The following MAML3 variants were observed in gnomAD, a reference collection of about 807,000 sequenced individuals.
The protein encoded by MAML3 is mastermind-like protein 3.
A neutral mutation model predicts 101.9 loss-of-function variants in MAML3; 27 were observed. That is an observed-to-expected ratio of 0.27 (90% CI 0.20 to 0.37). The LOEUF (loss-of-function observed/expected upper bound fraction) is 0.37, where lower values mean the gene tolerates loss of function less well. Among genes scored for constraint, MAML3 ranks in the 10% least tolerant of loss-of-function variants. The pLI, the probability that MAML3 is intolerant of heterozygous loss-of-function variation, is 1.00. For synonymous variants in MAML3, 501 were observed against 555.9 expected (o/e 0.90, Z 1.39); for missense variants, 1,316 against 1,444.9 (o/e 0.91, Z 1.45).
At chr4:139,974,098 T>C (rs1385629296) in intron 1 of MAML3, among the ~76,000 whole-genome samples, 1 of 123,886 alleles carries the variant, frequency 8.1e-6, no homozygotes, top group African/African-American at 3.1e-5. Context: ...TATTCTTACA[T>C]TTAATAGTTT....
At chr4:140,058,197 T>C (rs1727385567) in intron 1 of MAML3, among the ~76,000 whole-genome samples, 1 of 152,168 alleles carries the variant, frequency 6.6e-6, no homozygotes, top group African/African-American at 2.4e-5. Flanking sequence ...GCATGACTCT[T>C]TCAAAAAGTA....
At chr4:140,097,286 T>TTGA (rs891036955) in intron 1 of MAML3, among the ~76,000 whole-genome samples, 8 of 152,206 alleles carry the variant, frequency 5.3e-5, no homozygotes, top group Admixed American at 2.0e-4. Context: ...TCTTTTGGTC[T>TTGA]TGATAACCCA....
In MAML3 at chr4:139,981,525, G is replaced by C. The variant is rs1319837311; in HGVS notation, c.469-90558C>G. 3.3e-5 allele frequency among the ~76,000 whole-genome samples: 5 copies of C among 152,198 alleles called. No homozygotes were observed. The South Asian group carries it at 8.3e-4, about 25-fold the overall frequency. On this transcript the variant is annotated intron_variant, in intron 1 of 4. Coordinates refer to ENST00000509479, the MANE Select transcript of MAML3 (RefSeq NM_018717.5). ...TTCCTATTATTAACGTCTTATATTA[G>C]CATGGTACATTTGTCACAACTAATG...
At chr4:140,120,505 G>A (rs1728590339) in intron 1 of MAML3, among the ~76,000 whole-genome samples, 2 of 152,172 alleles carry the variant, frequency 1.3e-5, no homozygotes, top group African/African-American at 4.8e-5. Flanking sequence ...TGTGCCTGAT[G>A]TAGATTAATA....
intron 1 of MAML3, among the ~76,000 whole-genome samples, chr4:139,916,934 T>C (rs565820802): frequency 2.0e-3 from 301 of 152,254 alleles, no homozygotes; most frequent in African/African-American, 6.9e-3. Flanking sequence ...AATATAGAGA[T>C]AATGCAGATA....
In MAML3 at chr4:139,951,322, G is replaced by C. The variant is rs1178647384; in HGVS notation, c.469-60355C>G. On this transcript the variant is annotated intron_variant, in intron 1 of 4. Coordinates refer to ENST00000509479, the MANE Select transcript of MAML3 (RefSeq NM_018717.5). Reference sequence around the variant, plus strand: ...CAGCAATTTTGAATGTGCTGACATGGAGAACAGTGACCACAGAGTCAATGC... The same window carrying C: ...CAGCAATTTTGAATGTGCTGACATGCAGAACAGTGACCACAGAGTCAATGC... Among the ~76,000 whole-genome samples, 3 of 152,226 alleles carry C rather than the reference G, an allele frequency of 2.0e-5. No homozygotes were observed. In the East Asian group the frequency reaches 5.8e-4, roughly 29 times the overall value.
intron 2 of MAML3, among the ~76,000 whole-genome samples, chr4:139,838,406 C>A (rs1043218109): frequency 1.3e-5 from 2 of 152,122 alleles, no homozygotes; most frequent in South Asian, 2.1e-4. Flanking sequence ...TGTCTCATAT[C>A]ATTTGGAGTC....
At chr4:139,767,053 A>G (rs73854351) in intron 2 of MAML3, among the ~76,000 whole-genome samples, 19,756 of 152,264 alleles carry the variant, frequency 0.13, 1,669 homozygotes, top group African/African-American at 0.24. Context: ...TATTATGTCA[A>G]TGTGATTACT....
chr4:139,835,742 T>G (rs946810686), intron 2 of MAML3, among the ~76,000 whole-genome samples: 1 of 152,216 alleles, frequency 6.6e-6, no homozygotes, highest in Non-Finnish European at 1.5e-5. Flanking sequence ...TCCTGCTGCA[T>G]GTCCCCCAAA....
chr4:139,754,649 AG>A (rs921707676), intron 2 of MAML3, among the ~76,000 whole-genome samples: 3 of 152,338 alleles, frequency 2.0e-5, no homozygotes, highest in African/African-American at 7.2e-5. Context: ...AATGTGTTTA[AG>A]GCTCCTGTTT....
chr4:139,886,565 T>A (rs892714694), intron 2 of MAML3, among the ~76,000 whole-genome samples: 5 of 152,200 alleles, frequency 3.3e-5, no homozygotes, highest in African/African-American at 1.2e-4. Flanking sequence ...GATTGTAACA[T>A]ATAATTGTTT....
At chr4:139,993,175 A>C (rs1408069850) in intron 1 of MAML3, among the ~76,000 whole-genome samples, 3 of 151,712 alleles carry the variant, frequency 2.0e-5, no homozygotes, top group Non-Finnish European at 4.4e-5. Context: ...AACAGGATGA[A>C]ACCCCATCTC....
At chr4:140,068,454 T>A (rs548110476) in intron 1 of MAML3, among the ~76,000 whole-genome samples, 1 of 152,200 alleles carries the variant, frequency 6.6e-6, no homozygotes, top group South Asian at 2.1e-4. Flanking sequence ...TAAACAAGGG[T>A]CTCTCTCTAC....
At chr4:139,848,453 C>T (rs1475462184) in intron 2 of MAML3, among the ~76,000 whole-genome samples, 1 of 152,190 alleles carries the variant, frequency 6.6e-6, no homozygotes, top group African/African-American at 2.4e-5. Context: ...GTCCTTCCCT[C>T]AAAAATAGCC....
intron 1 of MAML3, among the ~76,000 whole-genome samples, chr4:140,027,107 G>C (rs1156724902): frequency 1.3e-5 from 2 of 151,046 alleles, no homozygotes; most frequent in African/African-American, 4.9e-5. Context: ...AGTTTGCACT[G>C]GCTGAGCCCA....
rs143681107 is a variant in MAML3, at chr4:139,730,230, A to C, written c.2331+186T>G. The C allele has an allele frequency of 6.6e-4, 408 of 618,488 alleles. 2 individuals are homozygous for C. The highest frequency in any genetic ancestry group is 5.9e-3 in the African/African-American group (323 of 54,348). 38.3% of individuals were successfully genotyped at this position (618,488 alleles called of 1,614,324 possible). A position where few individuals can be genotyped will look rare whatever the true frequency, so the allele number is the denominator to read the frequency against. ...CTGTCTTTTAAGAACAAATTAATTC[A>C]TTATAGGAAAAACCCTAACTAATTG... On this transcript the variant is annotated intron_variant, in intron 3 of 4. Coordinates refer to ENST00000509479, the MANE Select transcript of MAML3 (RefSeq NM_018717.5).
chr4:139,989,258 T>G (rs1268881442), intron 1 of MAML3, among the ~76,000 whole-genome samples: 1 of 152,064 alleles, frequency 6.6e-6, no homozygotes, highest in African/African-American at 2.4e-5. Context: ...AACAAAAGTG[T>G]TGCTAATAAT....
chr4:139,746,396 G>A (rs1164349962), intron 2 of MAML3, among the ~76,000 whole-genome samples: 1 of 152,024 alleles, frequency 6.6e-6, no homozygotes, highest in Non-Finnish European at 1.5e-5. Context: ...TCACCAACTT[G>A]GAGACTGAGT....
intron 2 of MAML3, among the ~76,000 whole-genome samples, chr4:139,814,010 C>T (rs72948539): frequency 0.015 from 1,551 of 101,376 alleles, 29 homozygotes; most frequent in African/African-American, 0.051. Flanking sequence ...CAGCTAGCTA[C>T]AGTACACAAA....
Sources: gnomAD v4.1 joint callset for allele counts (sites outside exome capture counted in the v4.1 genomes callset) on GRCh38, gnomAD v4.1.1 for gene constraint, MANE v1.5 for transcripts, NCBI Gene and HGNC (gene_info 2026-07-23, HGNC 2026-07-21) for gene names.